The following CUBN variants were observed in gnomAD, a reference collection of about 807,000 sequenced individuals.
The protein encoded by CUBN is 460 kDa receptor.
A neutral mutation model predicts 405.3 loss-of-function variants in CUBN; 282 were observed. The observed-to-expected ratio is 0.70, with a 90% CI of 0.63 to 0.77. CUBN has a LOEUF of 0.77. Among genes scored for constraint, CUBN ranks in the 30% least tolerant of loss-of-function variants. The pLI, the probability that CUBN is intolerant of heterozygous loss-of-function variation, is 0.00. For synonymous variants in CUBN, 1,684 were observed against 1,617.0 expected (o/e 1.04, Z -0.99); for missense variants, 4,514 against 4,475.2 (o/e 1.01, Z -0.25).
intron 40 of CUBN, among the ~76,000 whole-genome samples, chr10:16,931,031 C>A (rs535445061): frequency 7.7e-4 from 116 of 151,210 alleles, no homozygotes; most frequent in African/African-American, 2.8e-3. Flanking sequence ...CCAAGGTGGG[C>A]AGATCACGAG....
chr10:16,844,723 C>A (rs1210645869), intron 60 of CUBN, among the ~76,000 whole-genome samples: 1 of 152,198 alleles, frequency 6.6e-6, no homozygotes, highest in African/African-American at 2.4e-5. Context: ...AACTCCTCTG[C>A]CTCAAACCCA....
At chr10:17,110,225 A>T (rs1836738393) in intron 9 of CUBN, among the ~76,000 whole-genome samples, 1 of 152,186 alleles carries the variant, frequency 6.6e-6, no homozygotes, top group Admixed American at 6.5e-5. Context: ...AACAATTACG[A>T]TATATGCCTA....
At chr10:16,862,160 T>TCTCTCTCTCTCACA (rs144560387) in intron 59 of CUBN, among the ~76,000 whole-genome samples, 2 of 131,164 alleles carry the variant, frequency 1.5e-5, no homozygotes, top group African/African-American at 6.5e-5. Context: ...TCTCTCTCTC[T>TCTCTCTCTCTCACA]CACACACACA....
intron 8 of CUBN, among the ~76,000 whole-genome samples, chr10:17,113,433 A>T: frequency 6.6e-6 from 1 of 152,206 alleles, no homozygotes; most frequent in East Asian, 1.9e-4. Flanking sequence ...TACAAAAAAA[A>T]AAATGTGTGG....
chr10:17,104,659 T>A, intron 11 of CUBN, 54 bp from the exon 12 acceptor site: 2 of 1,274,364 alleles, frequency 1.6e-6, no homozygotes, highest in Admixed American at 3.7e-5. Context: ...GACACTAAAC[T>A]TTAATCAACC....
rs145872906 is a variant in CUBN, at chr10:16,835,109, C to T, written c.10267G>A (p.Val3423Ile). ...TGGTTCTGGGGGGCTGTGAGAGTAA[C>T]GGTGCAATCCTTGTCATTGTCGTAG... Reference protein sequence around the residue: ...DNYDNDKDCTVTLTAPQNHTI... With the variant: ...DNYDNDKDCTITLTAPQNHTI... Residue 3423 changes from valine (V) to isoleucine (I), a missense_variant, in exon 64 of 67, where the codon GTT (valine) becomes ATT (isoleucine). Val to Ile is a conservative substitution (Grantham distance 29, BLOSUM62 3). This residue lies in a region of CUBN where 1,186 missense variants were observed against 1,186.9 expected (regional missense o/e 1.00). Transcript: ENST00000377833. 776 of 1,614,056 alleles carry T rather than the reference C, an allele frequency of 4.8e-4. 6 individuals are homozygous for T. In the African/African-American group the frequency reaches 9.2e-3, roughly 19 times the overall value.
At position 17,026,712 on chromosome 10, in the gene CUBN, G is replaced by T. The variant is rs918924673; in HGVS notation, c.4018-6729C>A. ...CATTGTGGATAAGCAAAGCCCAAGGGGGCAAATGCAAAATCAAATCATGGT... is the reference window on the plus strand; with the variant it reads ...CATTGTGGATAAGCAAAGCCCAAGGTGGCAAATGCAAAATCAAATCATGGT... On this transcript the variant is annotated intron_variant, in intron 27 of 66. Transcript: ENST00000377833. Among the ~76,000 whole-genome samples, 10 of 152,258 alleles carry T rather than the reference G, an allele frequency of 6.6e-5. 1 individual carries two copies. In the East Asian group the frequency reaches 1.7e-3, roughly 26 times the overall value.
At chr10:17,041,936 G>A (rs1268810242) in intron 26 of CUBN, among the ~76,000 whole-genome samples, 1 of 151,090 alleles carries the variant, frequency 6.6e-6, no homozygotes, top group African/African-American at 2.5e-5. Flanking sequence ...CTCTAAGTAT[G>A]TCTAATCCTG....
chr10:16,987,275 G>A (rs1833453865), intron 29 of CUBN, among the ~76,000 whole-genome samples: 1 of 152,162 alleles, frequency 6.6e-6, no homozygotes, highest in South Asian at 2.1e-4. Context: ...AGAAGAAAAA[G>A]ATGGAAAGAA....
intron 60 of CUBN, among the ~76,000 whole-genome samples, chr10:16,842,668 T>A (rs1839388778): frequency 6.6e-6 from 1 of 152,242 alleles, no homozygotes. Flanking sequence ...TGTTCTCCAC[T>A]GAACTGCCTG....
At chr10:16,966,622 T>C (rs1843399329) in intron 31 of CUBN, among the ~76,000 whole-genome samples, 1 of 152,136 alleles carries the variant, frequency 6.6e-6, no homozygotes, top group Non-Finnish European at 1.5e-5. Flanking sequence ...CTACATTTCG[T>C]ATTTTTAGTA....
chr10:16,890,261 C>T (rs930456316), intron 55 of CUBN, 110 bp downstream of exon 55: 9 of 1,002,758 alleles, frequency 9.0e-6, no homozygotes, highest in African/African-American at 4.8e-5. Flanking sequence ...TCATCCTCCC[C>T]GTAGACCCCC....
intron 29 of CUBN, among the ~76,000 whole-genome samples, chr10:16,984,564 T>A (rs1045841857): frequency 6.6e-6 from 1 of 152,180 alleles, no homozygotes; most frequent in Non-Finnish European, 1.5e-5. Flanking sequence ...CTTCCCTATC[T>A]CCTCTTTTTG....
Position 16,840,447 on chromosome 10 carries a change from G to T in CUBN, c.9915C>A (p.Ile3305=), listed in dbSNP as rs143027674. The T allele has an allele frequency of 5.0e-6, 8 of 1,614,078 alleles. No individual in the cohort carries two copies. Among genetic ancestry groups the T allele is most frequent in the Non-Finnish European group, 6.8e-6 (8 of 1,179,956 alleles). ...GAGGGGAATCAATGACCCAAGTACA[G>T]ATGGAAAATGGGACATCTGGGTCTG... is the stretch of plus-strand genomic sequence containing the variant. ...NSSDPDVPFS[I]CTWVIDSPPH... is the part of the protein sequence containing the mutation. The change falls in exon 62 of 67, where the codon ATC becomes ATA. Residue 3305 remains isoleucine, a synonymous_variant. Coordinates refer to ENST00000377833, the MANE Select transcript of CUBN (RefSeq NM_001081.4).
At chr10:16,965,827 C>A in intron 31 of CUBN, 1 of 354,286 alleles carries the variant, frequency 2.8e-6, no homozygotes. Flanking sequence ...TACTTAAATA[C>A]ATTTGTTTAC....
intron 29 of CUBN, among the ~76,000 whole-genome samples, chr10:16,985,621 C>A (rs755708337): frequency 2.6e-5 from 4 of 152,190 alleles, no homozygotes; most frequent in Non-Finnish European, 5.9e-5. Context: ...CTTTGAGAGT[C>A]ACAGGCACCC....
At chr10:17,029,730 G>T (rs982839387) in intron 27 of CUBN, among the ~76,000 whole-genome samples, 1 of 152,174 alleles carries the variant, frequency 6.6e-6, no homozygotes, top group Non-Finnish European at 1.5e-5. Flanking sequence ...AAGCGTTGGC[G>T]GTGGAGCCAT....
At chr10:16,892,598 C>A (rs750462231) in intron 54 of CUBN, among the ~76,000 whole-genome samples, 2 of 152,106 alleles carry the variant, frequency 1.3e-5, no homozygotes, top group Non-Finnish European at 2.9e-5. Flanking sequence ...CTCAGGTGAT[C>A]TTCCCACCTC....
At chr10:17,129,602 T>C (rs1467735244) in intron 1 of CUBN, 42 bp downstream of exon 1, 4 of 1,613,684 alleles carry the variant, frequency 2.5e-6, no homozygotes, top group African/African-American at 1.3e-5. Context: ...GGTGAGGAAT[T>C]AGCCTAGTCC....
Sources: gnomAD v4.1 joint callset for allele counts (sites outside exome capture counted in the v4.1 genomes callset) on GRCh38, gnomAD v4.1.1 for gene constraint, gnomAD v4.1.1 regional missense constraint, MANE v1.5 for transcripts, NCBI Gene and HGNC (gene_info 2026-07-23, HGNC 2026-07-21) for gene names.